Variants in RARB observed in about 807,000 individuals in gnomAD.
RARB encodes the protein retinoic acid receptor beta.
RARB carries 17 observed loss-of-function variants against 51.9 expected under a neutral mutation model. The ratio of observed to expected loss-of-function variants is 0.33; its 90% confidence interval spans 0.22 to 0.49. The LOEUF (loss-of-function observed/expected upper bound fraction) is 0.49. RARB is among the 20% of genes least tolerant of loss of function. RARB has a pLI of 0.99. For missense variants in RARB, 369 were observed against 550.8 expected (o/e 0.67, Z 3.30); for synonymous variants, 215 against 195.4 (o/e 1.10, Z -0.84).
intron 3 of RARB, among the ~76,000 whole-genome samples, chr3:25,516,439 C>A (rs185289518): frequency 8.9e-4 from 135 of 151,934 alleles, no homozygotes; most frequent in African/African-American, 3.1e-3. Context: ...TTAAAAAAAG[C>A]AAGGTGCTTT....
chr3:24,830,259 T>C (rs1365569542), intron 1 of RARB, among the ~76,000 whole-genome samples: 1 of 150,246 alleles, frequency 6.7e-6, no homozygotes, highest in African/African-American at 2.5e-5. Context: ...GTAATTGCAG[T>C]GTGCCCCAGT....
rs7637557 is a variant in RARB, at chr3:25,479,023, C to T, written c.306+17682C>T. Reference sequence around the variant, plus strand: ...TCTGACCAAAATTCTCTTTGGCCTCCATTTGGAAGTCGTCTATGGGCCTTT... The same window carrying T: ...TCTGACCAAAATTCTCTTTGGCCTCTATTTGGAAGTCGTCTATGGGCCTTT... On this transcript the variant is annotated intron_variant, in intron 2 of 7. Coordinates refer to ENST00000330688, the MANE Select transcript of RARB (RefSeq NM_000965.5). Among the ~76,000 whole-genome samples, 447 of 152,240 alleles carry T rather than the reference C, an allele frequency of 2.9e-3. 1 individual carries two copies. The highest frequency in any genetic ancestry group is 0.01 in the African/African-American group (436 of 41,542).
intron 5 of RARB, among the ~76,000 whole-genome samples, chr3:25,267,348 G>T (rs1489957200): frequency 6.6e-6 from 1 of 152,166 alleles, no homozygotes; most frequent in African/African-American, 2.4e-5. Context: ...AGCAGTGAAG[G>T]CCTCTCTTAG....
rs1047267536 is a variant in RARB at position 24,984,063 on chromosome 3, T to A, written c.-379-76062T>A. ...ACTACTCCACTGGTATCATTATAGA[T>A]TAATAAAATTATTAGGGAAAGCAAT... is the stretch of plus-strand genomic sequence containing the variant. On this transcript the variant is annotated intron_variant, in intron 2 of 11. Coordinates refer to the RARB transcript ENST00000383772. 2.0e-5 allele frequency among the ~76,000 whole-genome samples: 3 copies of A among 152,170 alleles called. No homozygotes were observed. In the East Asian group the frequency reaches 5.8e-4, roughly 29 times the overall value.
chr3:25,380,120 T>C lies in RARB; in HGVS notation c.179-81073T>C, dbSNP rs566644384. Among the ~76,000 whole-genome samples, 22 of 152,258 alleles carry C rather than the reference T, an allele frequency of 1.4e-4. 1 individual carries two copies. In the South Asian group the frequency reaches 4.1e-3, roughly 29 times the overall value. ...ATTTCCTATTATATCATAATAGAAA[T>C]GTAAAGAGAAAAATCTGACAACTAA... On this transcript the variant is annotated intron_variant, in intron 5 of 11. Transcript: ENST00000383772.
intron 2 of RARB, among the ~76,000 whole-genome samples, chr3:24,945,845 C>G (rs1350840432): frequency 6.6e-6 from 1 of 152,228 alleles, no homozygotes; most frequent in African/African-American, 2.4e-5. Context: ...TGGTGAACAA[C>G]AAGGCCAATG....
intron 1 of RARB, among the ~76,000 whole-genome samples, chr3:25,449,294 G>T (rs1292255621): frequency 6.6e-6 from 1 of 151,998 alleles, no homozygotes; most frequent in Non-Finnish European, 1.5e-5. Flanking sequence ...ATGCAGAAGG[G>T]GTTAGTGAGT....
chr3:25,405,931 G>A (rs1288068736), intron 5 of RARB, among the ~76,000 whole-genome samples: 1 of 148,816 alleles, frequency 6.7e-6, no homozygotes, highest in African/African-American at 2.5e-5. Context: ...CAGAGGGACG[G>A]CATGAGCCAA....
At chr3:25,345,873 C>A in intron 5 of RARB, 1 of 910,104 alleles carries the variant, frequency 1.1e-6, no homozygotes, top group South Asian at 5.1e-5. Context: ...AAAACAACCA[C>A]CACTAAATAT....
chr3:25,042,752 C>G (rs1318381096), intron 2 of RARB, among the ~76,000 whole-genome samples: 2 of 152,206 alleles, frequency 1.3e-5, no homozygotes, highest in Non-Finnish European at 2.9e-5. Flanking sequence ...CCTGTCTGTT[C>G]ACTTCCAAGT....
In RARB at chr3:25,259,920, T is replaced by C. The variant is rs551080709; in HGVS notation, c.178+85345T>C. The C allele has an allele frequency of 8.1e-6, 8 of 985,350 alleles. No individual in the cohort carries two copies. The South Asian group carries it at 3.3e-4, about 40-fold the overall frequency. The allele number at this position is 985,350 out of a possible 1,614,324, so 61.0% of individuals were successfully genotyped here. On this transcript the variant is annotated intron_variant, in intron 5 of 11. Coordinates refer to the RARB transcript ENST00000383772. ...TTAGGGAAGGTTTTCTTTCTCAGGC[T>C]TTGTCTCTTTGGCATTCATGGAGGG...
intron 4 of RARB, among the ~76,000 whole-genome samples, chr3:25,161,471 C>G (rs1439645220): frequency 6.6e-6 from 1 of 152,134 alleles, no homozygotes; most frequent in African/African-American, 2.4e-5. Flanking sequence ...CCATTGCTGG[C>G]TCTGTTTCAC....
At chr3:25,197,049 C>T (rs545433799) in intron 5 of RARB, among the ~76,000 whole-genome samples, 47 of 151,956 alleles carry the variant, frequency 3.1e-4, no homozygotes, top group East Asian at 1.7e-3. Flanking sequence ...TTTCTTTTGC[C>T]GTTCAGAAGC....
intron 1 of RARB, among the ~76,000 whole-genome samples, chr3:24,832,687 A>T (rs1189080774): frequency 6.9e-6 from 1 of 144,472 alleles, no homozygotes; most frequent in Non-Finnish European, 1.5e-5. Flanking sequence ...AAATGAGAAA[A>T]CAGTTATGTG....
chr3:25,522,994 C>T (rs373333705), intron 3 of RARB, among the ~76,000 whole-genome samples: 45 of 152,230 alleles, frequency 3.0e-4, no homozygotes, highest in Admixed American at 9.2e-4. Flanking sequence ...CACAAGGGCT[C>T]GTATTTGACA....
At chr3:25,000,469 T>A (rs1697135867) in intron 2 of RARB, among the ~76,000 whole-genome samples, 1 of 152,158 alleles carries the variant, frequency 6.6e-6, no homozygotes, top group Non-Finnish European at 1.5e-5. Context: ...TCTTTTATCT[T>A]ATTTCAGGGT....
intron 5 of RARB, among the ~76,000 whole-genome samples, chr3:25,207,108 A>G (rs1179511765): frequency 1.3e-5 from 2 of 152,204 alleles, no homozygotes; most frequent in African/African-American, 2.4e-5. Context: ...GTCTGGTCAC[A>G]TTTTGAAGCT....
intron 5 of RARB, among the ~76,000 whole-genome samples, chr3:25,187,263 A>C (rs1201051013): frequency 6.6e-6 from 1 of 152,056 alleles, no homozygotes; most frequent in Non-Finnish European, 1.5e-5. Context: ...TAAAATCTAA[A>C]ATAAACATTG....
chr3:25,194,682 C>A (rs1338807870), intron 5 of RARB, among the ~76,000 whole-genome samples: 5 of 150,830 alleles, frequency 3.3e-5, no homozygotes, highest in Non-Finnish European at 7.4e-5. Flanking sequence ...TCCCAATGCA[C>A]TGAAGTTTTA....
Sources: allele counts gnomAD v4.1 joint callset (sites outside exome capture counted in the v4.1 genomes callset), GRCh38; gene constraint gnomAD v4.1.1; transcripts MANE v1.5; gene names NCBI Gene and HGNC (gene_info 2026-07-23, HGNC 2026-07-21).